The following CADPS2 variants were observed in gnomAD, a reference collection of about 807,000 sequenced individuals.
CADPS2 encodes the protein calcium-dependent secretion activator 2.
In CADPS2, 93 loss-of-function variants were observed where a neutral mutation model predicts 172.5. The observed-to-expected ratio is 0.54, with a 90% CI of 0.46 to 0.64. The LOEUF is 0.64. Ranked by LOEUF, CADPS2 falls within the 30% of genes least tolerant of loss-of-function variation. CADPS2 has a pLI of 0.00. For synonymous variants in CADPS2, 546 were observed against 555.2 expected, an observed-to-expected ratio of 0.98 and a Z score of 0.23; for missense variants, 1,420 against 1,565.9, an observed-to-expected ratio of 0.91 and a Z score of 1.57.
At chr7:122,733,449 G>A (rs1488243059) in intron 2 of CADPS2, among the ~76,000 whole-genome samples, 1 of 151,238 alleles carries the variant, frequency 6.6e-6, no homozygotes, top group Non-Finnish European at 1.5e-5. Context: ...GAAGTTATAA[G>A]GTCTGCATCA....
intron 20 of CADPS2, among the ~76,000 whole-genome samples, chr7:122,404,944 G>A (rs1161965721): frequency 6.6e-6 from 1 of 151,940 alleles, no homozygotes; most frequent in East Asian, 1.9e-4. Context: ...GGCTAGCACG[G>A]TGAAACCCAG....
chr7:122,508,870 T>C (rs1286548035), intron 9 of CADPS2, among the ~76,000 whole-genome samples: 2 of 152,180 alleles, frequency 1.3e-5, no homozygotes, highest in Non-Finnish European at 2.9e-5. Flanking sequence ...GTGGTAGTGC[T>C]GGCAGGAGTG....
At chr7:122,402,219 T>C (rs1157944787) in intron 20 of CADPS2, among the ~76,000 whole-genome samples, 1 of 152,142 alleles carries the variant, frequency 6.6e-6, no homozygotes. Flanking sequence ...GACAACACAA[T>C]GCCCTTATAA....
chr7:122,493,261 A>G (rs1415467909), intron 9 of CADPS2, among the ~76,000 whole-genome samples: 6 of 152,166 alleles, frequency 3.9e-5, no homozygotes, highest in Non-Finnish European at 8.8e-5. Flanking sequence ...TTATTTTCAC[A>G]TCCACTCTCT....
chr7:122,849,449 T>C (rs903893477), intron 1 of CADPS2, among the ~76,000 whole-genome samples: 1 of 152,204 alleles, frequency 6.6e-6, no homozygotes, highest in Non-Finnish European at 1.5e-5. Context: ...GCCACTGCCA[T>C]AGATTTCCAA....
At chr7:122,381,835 G>A (rs1000840062) in intron 24 of CADPS2, among the ~76,000 whole-genome samples, 2 of 152,122 alleles carry the variant, frequency 1.3e-5, no homozygotes, top group Non-Finnish European at 2.9e-5. Context: ...GAATAAAGAA[G>A]TATACATCTG....
intron 2 of CADPS2, among the ~76,000 whole-genome samples, chr7:122,670,158 T>C (rs1200868616): frequency 2.0e-5 from 3 of 150,636 alleles, no homozygotes; most frequent in Non-Finnish European, 4.4e-5. Flanking sequence ...CCATTTTTTC[T>C]GAACTTATTG....
intron 1 of CADPS2, among the ~76,000 whole-genome samples, chr7:122,882,672 T>C: frequency 6.6e-6 from 1 of 151,414 alleles, no homozygotes. Context: ...TTCATAAGTC[T>C]AACAAATTGC....
intron 1 of CADPS2, among the ~76,000 whole-genome samples, chr7:122,801,087 T>C (rs1226837642): frequency 2.0e-5 from 3 of 149,936 alleles, no homozygotes; most frequent in South Asian, 2.1e-4. Context: ...AAAATGAAAA[T>C]TGTACATAAA....
chr7:122,637,389 C>T (rs1223751035), intron 3 of CADPS2, among the ~76,000 whole-genome samples: 1 of 151,802 alleles, frequency 6.6e-6, no homozygotes, highest in East Asian at 1.9e-4. Context: ...AGGCTGACCT[C>T]AAACTCATGG....
chr7:122,724,130 A>G (rs1407935967), intron 2 of CADPS2, among the ~76,000 whole-genome samples: 1 of 152,112 alleles, frequency 6.6e-6, no homozygotes, highest in Non-Finnish European at 1.5e-5. Context: ...ATTCATATGT[A>G]ACAAACCTGC....
At chr7:122,781,258 A>G (rs1792644863) in intron 1 of CADPS2, among the ~76,000 whole-genome samples, 1 of 152,170 alleles carries the variant, frequency 6.6e-6, no homozygotes, top group Admixed American at 6.5e-5. Flanking sequence ...ATTTATTATA[A>G]GAGGATTTTC....
chr7:122,389,828 G>A (rs2044146658), intron 22 of CADPS2, among the ~76,000 whole-genome samples: 1 of 151,820 alleles, frequency 6.6e-6, no homozygotes, highest in African/African-American at 2.4e-5. Context: ...TATTACAACA[G>A]CACAGGGGAA....
chr7:122,657,532 G>C (rs187942175), intron 3 of CADPS2, among the ~76,000 whole-genome samples: 1 of 152,074 alleles, frequency 6.6e-6, no homozygotes, highest in Non-Finnish European at 1.5e-5. Context: ...CACATCCCTT[G>C]TAAGTTGGAT....
chr7:122,320,229 A>AC lies in CADPS2; in HGVS notation c.3826dup (p.Val1276GlyfsTer16). 6.2e-7 allele frequency: 1 copy of AC among 1,613,160 alleles called. No homozygotes were observed. Among genetic ancestry groups the AC allele is most frequent in the South Asian group, 1.1e-5 (1 of 90,942 alleles). On this transcript the variant is annotated frameshift_variant, in exon 30 of 30. Transcript: ENST00000449022. LOFTEE classifies it high-confidence loss of function. ...GCCCTGAAGTCCTCCTCCTTCTGAA[A>AC]CAGAGGCTGTGGCCTCCTCTACTGT...
intron 14 of CADPS2, among the ~76,000 whole-genome samples, chr7:122,457,818 A>C (rs2053971866): frequency 6.6e-6 from 1 of 152,180 alleles, no homozygotes; most frequent in Non-Finnish European, 1.5e-5. Context: ...TAGGCTTTAT[A>C]ATCTCTAGGA....
Position 122,581,226 on chromosome 7 carries a change from T to G in CADPS2, c.1288A>C (p.Thr430Pro), listed in dbSNP as rs373041847. 4 of 1,613,276 alleles carry G rather than the reference T, an allele frequency of 2.5e-6. No individual in the cohort carries two copies. The highest frequency in any genetic ancestry group is 3.4e-6 in the Non-Finnish European group (4 of 1,179,424). Reference protein sequence around the residue: ...PRPVVKVKLFTESTGVLALED... With the variant: ...PRPVVKVKLFPESTGVLALED... The stretch of plus-strand genomic sequence containing the variant: ...AGGGCCAGAACTCCAGTGCTTTCTG[T>G]GAAGAGTTTCACTTTGACCACAGGC... Residue 430 changes from threonine (T) to proline (P), a missense_variant, in exon 7 of 30, where the codon ACA becomes CCA. Physicochemically the swap from Thr to Pro is conservative, Grantham distance 38. Coordinates refer to ENST00000449022, the MANE Select transcript of CADPS2 (RefSeq NM_017954.11).
At chr7:122,632,637 C>T (rs548559701) in intron 3 of CADPS2, among the ~76,000 whole-genome samples, 8 of 152,236 alleles carry the variant, frequency 5.3e-5, no homozygotes, top group Middle Eastern at 3.4e-3. Flanking sequence ...TTCTCCCATT[C>T]TGTAGGCTGT....
intron 3 of CADPS2, among the ~76,000 whole-genome samples, chr7:122,635,629 A>G (rs1266947272): frequency 2.0e-5 from 3 of 152,084 alleles, no homozygotes; most frequent in Non-Finnish European, 2.9e-5. Context: ...TTATGGCTGC[A>G]TAGTATTCCA....
Sources: gnomAD v4.1 joint callset for allele counts (sites outside exome capture counted in the v4.1 genomes callset) on GRCh38, gnomAD v4.1.1 for gene constraint, MANE v1.5 for transcripts, NCBI Gene and HGNC (gene_info 2026-07-23, HGNC 2026-07-21) for gene names.